Variants in CRPPA observed in about 807,000 individuals in gnomAD.
CRPPA encodes D-ribitol-5-phosphate cytidylyltransferase.
In CRPPA, 43 loss-of-function variants were observed where a neutral mutation model predicts 52.0. That is an observed-to-expected ratio of 0.83 (90% CI 0.65 to 1.07). CRPPA has a LOEUF of 1.07. Ranked by LOEUF, CRPPA falls within the 50% of genes least tolerant of loss-of-function variation. The pLI, the probability that CRPPA is intolerant of heterozygous loss-of-function variation, is 0.00. For missense variants in CRPPA, 629 were observed against 551.7 expected, an observed-to-expected ratio of 1.14 and a Z score of -1.40; for synonymous variants, 250 against 203.5, an observed-to-expected ratio of 1.23 and a Z score of -1.94.
chr7:16,183,066 G>A (rs2128388146), intron 9 of CRPPA, among the ~76,000 whole-genome samples: 1 of 152,184 alleles, frequency 6.6e-6, no homozygotes, highest in African/African-American at 2.4e-5. Context: ...TCACCTCAAA[G>A]ATCTGGGGTA....
intron 3 of CRPPA, among the ~76,000 whole-genome samples, chr7:16,341,282 T>A (rs78154783): frequency 0.014 from 2,177 of 151,668 alleles, 25 homozygotes; most frequent in Middle Eastern, 0.041. Flanking sequence ...GTAAGTTCAA[T>A]GGTTTAAAAA....
At chr7:16,405,957 A>G (rs1441478895) in intron 2 of CRPPA, 104 bp downstream of exon 2, 2 of 1,060,242 alleles carry the variant, frequency 1.9e-6, no homozygotes, top group African/African-American at 3.2e-5. Context: ...CATCATGCAC[A>G]TTTTAAATAA....
chr7:16,252,785 C>T (rs561785055), intron 8 of CRPPA, among the ~76,000 whole-genome samples: 1 of 152,146 alleles, frequency 6.6e-6, no homozygotes, highest in African/African-American at 2.4e-5. Flanking sequence ...ATTTCAGACT[C>T]TGTTATTGGT....
At chr7:16,269,002 T>G (rs1784025603) in intron 6 of CRPPA, 1 of 152,196 alleles carries the variant, frequency 6.6e-6, no homozygotes, top group Admixed American at 6.5e-5. Flanking sequence ...CTTCTTGAGT[T>G]TTGTGTTTTA....
intron 2 of CRPPA, among the ~76,000 whole-genome samples, chr7:16,398,561 C>G (rs1276944121): frequency 4.6e-5 from 7 of 152,136 alleles, no homozygotes; most frequent in Non-Finnish European, 5.9e-5. Context: ...ACGTGATCGT[C>G]AAGTGATCGA....
At chr7:16,177,203 G>T (rs1781320357) in intron 9 of CRPPA, among the ~76,000 whole-genome samples, 1 of 151,978 alleles carries the variant, frequency 6.6e-6, no homozygotes, top group African/African-American at 2.4e-5. Flanking sequence ...TGTAGTGGAG[G>T]AACTGTTTTG....
chr7:16,293,319 C>T (rs1784600734), intron 5 of CRPPA, among the ~76,000 whole-genome samples: 1 of 128,478 alleles, frequency 7.8e-6, no homozygotes, highest in Non-Finnish European at 1.6e-5. Context: ...CCAAAAGTAG[C>T]CATTTCCAAA....
chr7:16,276,706 T>A (rs1308689311), intron 6 of CRPPA: 3 of 152,212 alleles, frequency 2.0e-5, no homozygotes, highest in Admixed American at 2.0e-4. Context: ...ATAAGGATTG[T>A]AGTGGCTATC....
intron 6 of CRPPA, among the ~76,000 whole-genome samples, chr7:16,261,463 G>T (rs929336917): frequency 3.7e-4 from 56 of 151,830 alleles, no homozygotes; most frequent in African/African-American, 1.3e-3. Context: ...TCTATTTTGT[G>T]GCCATAATTA....
intron 9 of CRPPA, among the ~76,000 whole-genome samples, chr7:16,095,498 A>C (rs922793160): frequency 2.0e-5 from 3 of 152,194 alleles, no homozygotes; most frequent in African/African-American, 7.2e-5. Context: ...GAAGTAAACT[A>C]ATTTCAGCTA....
intron 9 of CRPPA, among the ~76,000 whole-genome samples, chr7:16,095,059 C>G (rs1229572810): frequency 6.6e-6 from 1 of 152,064 alleles, no homozygotes; most frequent in Admixed American, 6.6e-5. Flanking sequence ...ATGGGAGAAC[C>G]TGGGTGTGAG....
At chr7:16,232,561 A>G (rs74350728) in intron 8 of CRPPA, among the ~76,000 whole-genome samples, 1 of 152,070 alleles carries the variant, frequency 6.6e-6, no homozygotes, top group African/African-American at 2.4e-5. Flanking sequence ...TGCCCAGTTC[A>G]TGTTATTCTA....
At chr7:16,245,215 A>G (rs1471808830) in intron 8 of CRPPA, among the ~76,000 whole-genome samples, 4 of 152,224 alleles carry the variant, frequency 2.6e-5, no homozygotes, top group African/African-American at 9.6e-5. Flanking sequence ...GCACATGCAA[A>G]CACTCTATGT....
intron 9 of CRPPA, among the ~76,000 whole-genome samples, chr7:16,205,505 C>T (rs1030846154): frequency 3.9e-5 from 6 of 152,104 alleles, no homozygotes; most frequent in South Asian, 4.1e-4. Context: ...AGGCTAAATA[C>T]GATACCTTCA....
At chr7:16,155,198 C>G (rs578167993) in intron 9 of CRPPA, among the ~76,000 whole-genome samples, 1 of 152,120 alleles carries the variant, frequency 6.6e-6, no homozygotes, top group Non-Finnish European at 1.5e-5. Flanking sequence ...CCTTTTACCA[C>G]AGCTGTGGGC....
chr7:16,180,894 G>A (rs531305164), intron 9 of CRPPA, among the ~76,000 whole-genome samples: 10 of 152,088 alleles, frequency 6.6e-5, no homozygotes, highest in Admixed American at 5.2e-4. Flanking sequence ...GGCTGAACTT[G>A]CATCTCCAAA....
intron 8 of CRPPA, among the ~76,000 whole-genome samples, chr7:16,222,205 C>T (rs1366111612): frequency 3.4e-5 from 5 of 148,980 alleles, no homozygotes; most frequent in African/African-American, 1.2e-4. Context: ...AACAAAAAAC[C>T]AAACCGCATA....
chr7:16,372,317 CA>C (rs1450038125), intron 3 of CRPPA, among the ~76,000 whole-genome samples: 1 of 152,166 alleles, frequency 6.6e-6, no homozygotes, highest in Non-Finnish European at 1.5e-5. Flanking sequence ...AGGTAACCTA[CA>C]AAGGAAAACC....
intron 3 of CRPPA, among the ~76,000 whole-genome samples, chr7:16,361,358 G>C (rs994926551): frequency 2.0e-5 from 3 of 152,086 alleles, no homozygotes; most frequent in Non-Finnish European, 2.9e-5. Flanking sequence ...TCCACTTCTA[G>C]GCATATACTT....
Sources: allele counts gnomAD v4.1 joint callset (sites outside exome capture counted in the v4.1 genomes callset), GRCh38; gene constraint gnomAD v4.1.1; transcripts MANE v1.5; gene names NCBI Gene and HGNC (gene_info 2026-07-23, HGNC 2026-07-21).